Variants in ZMIZ1 observed in about 807,000 individuals in gnomAD.
The protein encoded by ZMIZ1 is zinc finger MIZ domain-containing protein 1.
In ZMIZ1, 17 loss-of-function variants were observed where a neutral mutation model predicts 113.9. That is an observed-to-expected ratio of 0.15 (90% confidence interval 0.10 to 0.22). The LOEUF (loss-of-function observed/expected upper bound fraction) is 0.22. Ranked by LOEUF, ZMIZ1 falls within the 10% of genes least tolerant of loss-of-function variation. The probability of loss-of-function intolerance (pLI) is 1.00; values close to 1 mark genes in which losing one functional copy is unlikely to be tolerated. For missense variants in ZMIZ1, 1,059 were observed against 1,477.8 expected (o/e 0.72, Z 4.65); for synonymous variants, 607 against 603.1 (o/e 1.01, Z -0.09).
At chr10:79,119,466 T>C (rs1253586335) in intron 2 of ZMIZ1, among the ~76,000 whole-genome samples, 2 of 152,176 alleles carry the variant, frequency 1.3e-5, no homozygotes, top group Admixed American at 6.5e-5. Flanking sequence ...TCACCAGCAT[T>C]GTACATGTGA....
At chr10:79,140,253 G>A (rs781329099) in intron 3 of ZMIZ1, among the ~76,000 whole-genome samples, 16 of 152,204 alleles carry the variant, frequency 1.1e-4, no homozygotes, top group Non-Finnish European at 1.8e-4. Flanking sequence ...GGATGTGGCT[G>A]TGGTCTCCTT....
In ZMIZ1 at chr10:79,289,791, T is replaced by G; in HGVS notation, c.442T>G (p.Tyr148Asp). 1 of 1,614,006 alleles carries G rather than the reference T, an allele frequency of 6.2e-7. No individual in the cohort carries two copies. The highest frequency in any genetic ancestry group is 1.1e-5 in the South Asian group (1 of 91,076). ...TLSHSDGSFP[Y>D]DSVPWQQNTN... Reference sequence around the variant, plus strand: ...CCTCTGCAGTGATGGGTCGTTCCCCTATGACTCTGTCCCTTGGCAGCAGAA... The same window carrying G: ...CCTCTGCAGTGATGGGTCGTTCCCCGATGACTCTGTCCCTTGGCAGCAGAA... The change falls in exon 9 of 25, where the codon TAT (tyrosine) becomes GAT (aspartate). Residue 148 changes from tyrosine to aspartate, a missense_variant. This residue lies in a region of ZMIZ1 where 272 missense variants were observed against 350.4 expected (regional missense o/e 0.78). Coordinates refer to ENST00000334512, the MANE Select transcript of ZMIZ1 (RefSeq NM_020338.4).
chr10:79,117,816 G>A (rs930264558), intron 1 of ZMIZ1, among the ~76,000 whole-genome samples: 1 of 152,198 alleles, frequency 6.6e-6, no homozygotes, highest in South Asian at 2.1e-4. Context: ...TTCCTGTGAT[G>A]TCCCCTCTGC....
chr10:79,207,030 G>T (rs1848344811), intron 5 of ZMIZ1, among the ~76,000 whole-genome samples: 1 of 152,234 alleles, frequency 6.6e-6, no homozygotes, highest in Non-Finnish European at 1.5e-5. Flanking sequence ...TACAGATGAG[G>T]CTACTGAGGC....
intron 2 of ZMIZ1, among the ~76,000 whole-genome samples, chr10:79,125,434 A>G (rs964115851): frequency 2.0e-5 from 3 of 152,246 alleles, no homozygotes; most frequent in Non-Finnish European, 4.4e-5. Context: ...GGTCCTGGAC[A>G]TGCTTCATGG....
chr10:79,221,919 G>T (rs538410535), intron 7 of ZMIZ1, among the ~76,000 whole-genome samples: 1 of 152,388 alleles, frequency 6.6e-6, no homozygotes, highest in African/African-American at 2.4e-5. Context: ...TGGCCTCACA[G>T]CTGTGGGCTC....
intron 7 of ZMIZ1, among the ~76,000 whole-genome samples, chr10:79,265,842 A>G (rs1851569200): frequency 6.6e-6 from 1 of 152,148 alleles, no homozygotes; most frequent in East Asian, 1.9e-4. Context: ...TCCTGCAAGC[A>G]TCGGCTGTTT....
In ZMIZ1 at chr10:79,110,378, G is replaced by A. The variant is rs189147229; in HGVS notation, c.-336-8537G>A. 1.2e-3 allele frequency among the ~76,000 whole-genome samples: 179 copies of A among 152,280 alleles called. 3 individuals carry two copies. Among genetic ancestry groups the A allele is most frequent in the African/African-American group, 3.9e-3 (164 of 41,546 alleles). On this transcript the variant is annotated intron_variant, in intron 1 of 24. Transcript: ENST00000334512. ...CTGGAAGGACAGGTGAATGCATGGC[G>A]GATGGTGCATTAATACCACACTAGG...
chr10:79,244,340 T>C (rs760351871), intron 7 of ZMIZ1, among the ~76,000 whole-genome samples: 1 of 152,132 alleles, frequency 6.6e-6, no homozygotes, highest in Non-Finnish European at 1.5e-5. Flanking sequence ...AGATGCCTGG[T>C]TGTGAGGACC....
At chr10:79,071,988 A>C (rs1162156499) in intron 1 of ZMIZ1, among the ~76,000 whole-genome samples, 2 of 148,560 alleles carry the variant, frequency 1.3e-5, no homozygotes, top group Non-Finnish European at 3.0e-5. Context: ...GGGTGGGGGG[A>C]GGAGAAGGGA....
chr10:79,314,512 T>C lies in ZMIZ1; in HGVS notation c.*1763T>C. The C allele has an allele frequency of 3.0e-6, 1 of 333,392 alleles. No homozygotes were observed. Among genetic ancestry groups the C allele is most frequent in the Non-Finnish European group, 5.9e-6 (1 of 169,476 alleles). The allele number at this position is 333,392 out of a possible 1,614,324, so 20.7% of individuals were successfully genotyped here. A position where few individuals can be genotyped will look rare whatever the true frequency, so the allele number is the denominator to read the frequency against. On this transcript the variant is annotated 3_prime_UTR_variant, in exon 25 of 25. Transcript: ENST00000334512. ...GTCCCGTTGTCGAGGTTTTTTCAAA[T>C]AGCGTGTTGTTCAGTATGCAAATCA...
chr10:79,078,732 T>TTTTTTTTG (rs1842561802), intron 1 of ZMIZ1, among the ~76,000 whole-genome samples: 2 of 150,300 alleles, frequency 1.3e-5, no homozygotes, highest in African/African-American at 4.9e-5. Context: ...TTTTTTTTTT[T>TTTTTTTTG]GCATATGGTG....
At position 79,178,251 on chromosome 10, in the gene ZMIZ1, C is replaced by A. The variant is rs1016128018; in HGVS notation, c.-50+16118C>A. ...CATCTGTGAACTGGGCAAATGGGCC[C>A]CATTCGAGTGCTCATGGCCGCCCTT... On this transcript the variant is annotated intron_variant, in intron 4 of 24. Transcript: ENST00000334512. Among the ~76,000 whole-genome samples the A allele has an allele frequency of 2.6e-5, 4 of 152,328 alleles. No individual in the cohort carries two copies. In the South Asian group the frequency reaches 8.3e-4, roughly 32 times the overall value.
chr10:79,197,044 G>T (rs1266918618), intron 4 of ZMIZ1, among the ~76,000 whole-genome samples: 1 of 152,232 alleles, frequency 6.6e-6, no homozygotes, highest in Non-Finnish European at 1.5e-5. Context: ...AGCGCCCCCT[G>T]CTGGCTGCCT....
At chr10:79,276,168 A>T (rs986167189) in intron 7 of ZMIZ1, among the ~76,000 whole-genome samples, 4 of 151,876 alleles carry the variant, frequency 2.6e-5, no homozygotes, top group Admixed American at 2.6e-4. Flanking sequence ...ACGAGGCATT[A>T]CTCCTTTTTA....
intron 4 of ZMIZ1, among the ~76,000 whole-genome samples, chr10:79,199,048 G>A (rs1048707174): frequency 2.7e-5 from 4 of 148,272 alleles, no homozygotes; most frequent in Non-Finnish European, 4.5e-5. Context: ...AAAAAAAATT[G>A]GAAAAAGCTT....
At chr10:79,197,597 C>CAA (rs1554867749) in intron 4 of ZMIZ1, among the ~76,000 whole-genome samples, 1 of 138,108 alleles carries the variant, frequency 7.2e-6, no homozygotes, top group Non-Finnish European at 1.5e-5. Flanking sequence ...CCAGACCATA[C>CAA]ACACACACAC....
chr10:79,197,539 A>G (rs192573530), intron 4 of ZMIZ1, among the ~76,000 whole-genome samples: 1 of 151,758 alleles, frequency 6.6e-6, no homozygotes, highest in East Asian at 1.9e-4. Context: ...CGCTTGGGTG[A>G]CCTACAGAAG....
At chr10:79,305,362 T>C (rs1358729459) in intron 20 of ZMIZ1, 131 bp downstream of exon 20, 27 of 1,250,390 alleles carry the variant, frequency 2.2e-5, no homozygotes, top group Non-Finnish European at 3.0e-5. Context: ...GCTCAGGTTA[T>C]GGGGGCTCCA....
Sources: allele counts gnomAD v4.1 joint callset (sites outside exome capture counted in the v4.1 genomes callset), GRCh38; gene constraint gnomAD v4.1.1; regional missense constraint gnomAD v4.1.1; transcripts MANE v1.5; gene names NCBI Gene and HGNC (gene_info 2026-07-23, HGNC 2026-07-21).